HEYL: variants seen among roughly 807,000 people sequenced by gnomAD.
HEYL encodes the protein hairy/enhancer-of-split related with YRPW motif-like protein.
HEYL carries 12 observed loss-of-function variants against 18.6 expected under a neutral mutation model. That is an observed-to-expected ratio of 0.65 (90% confidence interval 0.41 to 1.05). The LOEUF (loss-of-function observed/expected upper bound fraction) is 1.05. Among genes scored for constraint, HEYL ranks in the 50% least tolerant of loss-of-function variants. The probability of loss-of-function intolerance (pLI) is 0.00; values close to 1 mark genes in which losing one functional copy is unlikely to be tolerated. For synonymous variants in HEYL, 159 were observed against 179.6 expected, an observed-to-expected ratio of 0.89 and a Z score of 0.91; for missense variants, 420 against 444.7, an observed-to-expected ratio of 0.94 and a Z score of 0.50.
At chr1:39,637,894 C>G (rs1433081734) in intron 1 of HEYL, among the ~76,000 whole-genome samples, 1 of 152,174 alleles carries the variant, frequency 6.6e-6, no homozygotes, top group African/African-American at 2.4e-5. Flanking sequence ...GTTTTTATGA[C>G]CTGGCAGGTC....
At chr1:39,635,473 T>C (rs1051182855) in intron 1 of HEYL, among the ~76,000 whole-genome samples, 1 of 152,254 alleles carries the variant, frequency 6.6e-6, no homozygotes, top group Admixed American at 6.5e-5. Flanking sequence ...GGCAAAGCAG[T>C]GCTGCCATTC....
chr1:39,629,491 C>G (rs1167563408), intron 4 of HEYL, among the ~76,000 whole-genome samples: 3 of 152,194 alleles, frequency 2.0e-5, no homozygotes, highest in African/African-American at 7.2e-5. Flanking sequence ...CAATGGTATA[C>G]ACTGAGGCTT....
chr1:39,626,365 G>C lies in HEYL; in HGVS notation c.*142C>G. ...TGAGAAGGAGAGATGGGTTGGAGGA[G>C]GAGGGGGCCTCTGATGGCTGGAGAA... On this transcript the variant is annotated 3_prime_UTR_variant, in exon 5 of 5. Coordinates refer to ENST00000372852, the MANE Select transcript of HEYL (RefSeq NM_014571.4). 1 of 684,580 alleles carries C rather than the reference G, an allele frequency of 1.5e-6. No homozygotes were observed. The highest frequency in any genetic ancestry group is 1.8e-5 in the African/African-American group (1 of 54,798). 42.4% of individuals were successfully genotyped at this position (684,580 alleles called of 1,614,324 possible).
chr1:39,630,077 G>C, intron 4 of HEYL, 150 bp downstream of exon 4: 1 of 677,028 alleles, frequency 1.5e-6, no homozygotes, highest in South Asian at 1.7e-5. Flanking sequence ...GATGCTGAAA[G>C]GAGAGAGAGA....
In HEYL at chr1:39,623,463, C is replaced by T. The variant is rs955809876; in HGVS notation, c.*3044G>A. Among the ~76,000 whole-genome samples, 11 of 152,256 alleles carry T rather than the reference C, an allele frequency of 7.2e-5. No homozygotes were observed. Among genetic ancestry groups the T allele is most frequent in the African/African-American group, 2.2e-4 (9 of 41,472 alleles). On this transcript the variant is annotated 3_prime_UTR_variant, in exon 5 of 5. Transcript: ENST00000372852. ...ACTTCTTCAACAAGTATTTATTGAA[C>T]GCCAACTATGGACCAGGCCCTGTGC... is the stretch of plus-strand genomic sequence containing the variant.
In HEYL at chr1:39,626,633, T is replaced by G; in HGVS notation, c.861A>C (p.Thr287=). Residue 287 remains threonine, a synonymous_variant, in exon 5 of 5, where the codon ACA becomes ACC. Transcript: ENST00000372852. ...GAACAGCCACGTAAGCAGCCGACCC[T>G]GTAGGACCAGGGGGTGTTGGGGAGG... is the stretch of plus-strand genomic sequence containing the variant. ...QSSSPTPPGP[T]GSAAYVAVPT... is the part of the protein sequence containing the mutation. 1 of 1,544,762 alleles carries G rather than the reference T, an allele frequency of 6.5e-7. No homozygotes were observed. The highest frequency in any genetic ancestry group is 8.7e-7 in the Non-Finnish European group (1 of 1,147,920).
chr1:39,629,019 G>A (rs947170711), intron 4 of HEYL, among the ~76,000 whole-genome samples: 2 of 152,198 alleles, frequency 1.3e-5, no homozygotes, highest in African/African-American at 4.8e-5. Flanking sequence ...ACTGAGGAGG[G>A]GAGAGGTTAA....
At chr1:39,628,577 C>G (rs561444221) in intron 4 of HEYL, among the ~76,000 whole-genome samples, 3 of 151,444 alleles carry the variant, frequency 2.0e-5, no homozygotes, top group African/African-American at 7.3e-5. Context: ...CTGCGCCTGG[C>G]CTTTGCTGTT....
intron 4 of HEYL, 79 bp from the exon 5 acceptor site, chr1:39,627,259 G>T: frequency 7.6e-7 from 1 of 1,323,562 alleles, no homozygotes; most frequent in Non-Finnish European, 1.0e-6. Context: ...CTGAGTTCTG[G>T]ACCTGCCTCC....
At chr1:39,628,263 G>A (rs1006071810) in intron 4 of HEYL, among the ~76,000 whole-genome samples, 13 of 152,132 alleles carry the variant, frequency 8.5e-5, no homozygotes, top group Non-Finnish European at 1.6e-4. Flanking sequence ...ACCTTTCTGC[G>A]TTTGCTGTTC....
At chr1:39,635,375 G>A (rs1243506896) in intron 1 of HEYL, among the ~76,000 whole-genome samples, 2 of 152,186 alleles carry the variant, frequency 1.3e-5, no homozygotes, top group Admixed American at 1.3e-4. Context: ...GTCTTTCCGG[G>A]TATTAGGTTA....
intron 4 of HEYL, among the ~76,000 whole-genome samples, chr1:39,628,230 T>A (rs901585638): frequency 1.4e-4 from 21 of 152,236 alleles, no homozygotes; most frequent in African/African-American, 4.8e-4. Context: ...CACTTAGCCA[T>A]GTAAGTTCAA....
At chr1:39,638,902 C>T (rs1200069684) in intron 1 of HEYL, among the ~76,000 whole-genome samples, 1 of 152,184 alleles carries the variant, frequency 6.6e-6, no homozygotes, top group Non-Finnish European at 1.5e-5. Flanking sequence ...GTTTGTTCGA[C>T]AGGTTTGAAG....
intron 1 of HEYL, among the ~76,000 whole-genome samples, chr1:39,637,868 C>T (rs1321243743): frequency 1.3e-5 from 2 of 152,196 alleles, no homozygotes; most frequent in Non-Finnish European, 2.9e-5. Flanking sequence ...TGTCTCCTTT[C>T]CATCCTGTCC....
intron 4 of HEYL, among the ~76,000 whole-genome samples, chr1:39,628,417 T>A (rs1646312300): frequency 6.6e-6 from 1 of 151,412 alleles, no homozygotes; most frequent in Non-Finnish European, 1.5e-5. Context: ...GTAGCTGGGA[T>A]TACAGGCAAC....
rs373227169 is a variant in HEYL, at chr1:39,639,607, G to T, written c.19C>A (p.Pro7Thr). The part of the protein sequence containing the change: MKRPKE[P>T]SGSDGESDGP... ...TCGGACTCCCCGTCGGAGCCGCTCGGCTCCTTGGGTCGCTTCATGGCGAAC... is the reference window on the plus strand; with the variant it reads ...TCGGACTCCCCGTCGGAGCCGCTCGTCTCCTTGGGTCGCTTCATGGCGAAC... Residue 7 changes from proline (P) to threonine (T), a missense_variant, in exon 1 of 5, where the codon CCG (proline) becomes ACG (threonine). Pro to Thr is a conservative substitution (Grantham distance 38, BLOSUM62 -1). Coordinates refer to ENST00000372852, the MANE Select transcript of HEYL (RefSeq NM_014571.4). 4 of 1,572,624 alleles carry T rather than the reference G, an allele frequency of 2.5e-6. No homozygotes were observed. Among genetic ancestry groups the T allele is most frequent in the African/African-American group, 1.4e-5 (1 of 70,794 alleles).
At chr1:39,632,140 T>C (rs1324429838) in intron 2 of HEYL, among the ~76,000 whole-genome samples, 1 of 152,094 alleles carries the variant, frequency 6.6e-6, no homozygotes, top group Non-Finnish European at 1.5e-5. Context: ...AGTCAGTGAG[T>C]GTCAGGCTGC....
intron 1 of HEYL, among the ~76,000 whole-genome samples, chr1:39,638,028 C>T (rs1646369034): frequency 6.6e-6 from 1 of 152,220 alleles, no homozygotes; most frequent in South Asian, 2.1e-4. Flanking sequence ...CCCCGCTCCA[C>T]CACCACCACG....
At position 39,626,775 on chromosome 1, in the gene HEYL, C is replaced by G; in HGVS notation, c.719G>C (p.Arg240Pro). The change falls in exon 5 of 5, where the codon CGA becomes CCA. Residue 240 changes from arginine (R) to proline (P), a missense_variant. Coordinates refer to ENST00000372852, the MANE Select transcript of HEYL (RefSeq NM_014571.4). ...GGCCCTCCGGGTGGAAGATGCCCCT[C>G]GACTGGGCAGCACATTCCTCCGGGC... ...LPARRNVLPS[R>P]GASSTRRARP... The G allele has an allele frequency of 6.5e-7, 1 of 1,550,292 alleles. No individual in the cohort carries two copies. Among genetic ancestry groups the G allele is most frequent in the Non-Finnish European group, 8.7e-7 (1 of 1,145,696 alleles).
Sources: gnomAD v4.1 joint callset for allele counts (sites outside exome capture counted in the v4.1 genomes callset) on GRCh38, gnomAD v4.1.1 for gene constraint, MANE v1.5 for transcripts, NCBI Gene and HGNC (gene_info 2026-07-23, HGNC 2026-07-21) for gene names.